Variants in MYH7B observed in about 807,000 individuals in gnomAD.
MYH7B encodes myosin heavy chain 7B.
MYH7B carries 205 observed loss-of-function variants against 234.5 expected under a neutral mutation model. That is an observed-to-expected ratio of 0.87 (90% CI 0.78 to 0.98). The LOEUF (loss-of-function observed/expected upper bound fraction) is 0.98, where lower values mean the gene tolerates loss of function less well. Ranked by LOEUF, MYH7B falls within the 50% of genes least tolerant of loss-of-function variation. MYH7B has a pLI of 0.00. For synonymous variants in MYH7B, 1,193 were observed against 1,105.0 expected (o/e 1.08, Z -1.58); for missense variants, 2,652 against 2,633.4 (o/e 1.01, Z -0.15).
In MYH7B at chr20:34,998,447, A is replaced by C; in HGVS notation, c.3874+26A>C. ...GTGAGGCTGGGGCTCAGCTGGCCAC[A>C]CCAGGCAGGGCTTTGGTGCAGCCCT... is the stretch of plus-strand genomic sequence containing the variant. On this transcript the variant is annotated intron_variant, in intron 33 of 44. Transcript: ENST00000262873. The C allele has an allele frequency of 3.1e-6, 5 of 1,612,672 alleles. 1 individual carries two copies. Among genetic ancestry groups the C allele is most frequent in the South Asian group, 2.2e-5 (2 of 91,040 alleles).
At chr20:34,995,192 G>C (rs1456004269) in intron 27 of MYH7B, 144 bp from the exon 28 acceptor site, 3 of 782,374 alleles carry the variant, frequency 3.8e-6, no homozygotes, top group Non-Finnish European at 6.1e-6. Context: ...CCATGCCCAA[G>C]AGCGAGTCAA....
intron 5 of MYH7B, among the ~76,000 whole-genome samples, chr20:34,978,372 G>A (rs2081890271): frequency 1.3e-5 from 2 of 152,284 alleles, no homozygotes; most frequent in South Asian, 4.1e-4. Flanking sequence ...GAAGACTCAG[G>A]CTGGAGCCCG....
At chr20:34,983,605 G>A (rs1313100148) in intron 10 of MYH7B, among the ~76,000 whole-genome samples, 1 of 152,088 alleles carries the variant, frequency 6.6e-6, no homozygotes. Context: ...GGAGAGGGTC[G>A]GGCAAGGGAG....
At chr20:35,002,324 G>C (rs1461268717) in exon 45 of MYH7B, 13 of 961,478 alleles carry the variant, frequency 1.4e-5, no homozygotes, top group Non-Finnish European at 1.6e-5. Flanking sequence ...AAACACCACA[G>C]CCAGTTTCCT....
chr20:34,965,289 C>A (rs967535266), intron 2 of MYH7B, among the ~76,000 whole-genome samples: 1 of 152,238 alleles, frequency 6.6e-6, no homozygotes, highest in African/African-American at 2.4e-5. Context: ...TCTTAGGCAT[C>A]ATGCTGTGTG....
At chr20:34,985,234 A>T in intron 13 of MYH7B, 105 bp downstream of exon 13, 1 of 1,053,866 alleles carries the variant, frequency 9.5e-7, no homozygotes, top group Non-Finnish European at 1.5e-6. Context: ...TGCTCTGGGC[A>T]CTTCTCTCTA....
chr20:34,983,533 G>A (rs756562490), intron 10 of MYH7B, among the ~76,000 whole-genome samples: 1 of 152,098 alleles, frequency 6.6e-6, no homozygotes, highest in Non-Finnish European at 1.5e-5. Flanking sequence ...AGCTGGCAGG[G>A]ACACAGCTGG....
At chr20:34,994,474 AGC>A (rs2082215963) in intron 27 of MYH7B, 73 bp downstream of exon 27, 5 of 1,475,834 alleles carry the variant, frequency 3.4e-6, no homozygotes, top group Non-Finnish European at 3.6e-6. Flanking sequence ...GGGATAGTAC[AGC>A]GAGACCCATG....
chr20:34,987,864 C>A (rs780637899), exon 18 of MYH7B: 1 of 1,612,196 alleles, frequency 6.2e-7, no homozygotes, highest in Non-Finnish European at 8.5e-7. Context: ...AAAGCTGCCC[C>A]GGCAGTTCTT....
At chr20:34,962,002 G>A (rs990842020) in intron 2 of MYH7B, among the ~76,000 whole-genome samples, 2 of 152,208 alleles carry the variant, frequency 1.3e-5, no homozygotes, top group African/African-American at 2.4e-5. Context: ...CGAGGTTGAG[G>A]TGGGAGGATC....
At chr20:34,977,672 G>C (rs767042293) in exon 4 of MYH7B, 5 of 1,580,502 alleles carry the variant, frequency 3.2e-6, no homozygotes, top group Non-Finnish European at 4.3e-6. Flanking sequence ...CCCTCACCGT[G>C]GTGCCGAGGT....
rs372264566 is a variant in MYH7B, at chr20:34,989,305, T to G, written c.1588-435T>G. Among the ~76,000 whole-genome samples, 8 of 152,336 alleles carry G rather than the reference T, an allele frequency of 5.3e-5. No homozygotes were observed. In the South Asian group the frequency reaches 1.7e-3, roughly 32 times the overall value. ...AATATTATGTCAGCACTGAAGACAT[T>G]CATCTTCCCACTCTGCAGGTTAGAA... On this transcript the variant is annotated intron_variant, in intron 19 of 44. Coordinates refer to ENST00000262873, the Ensembl canonical transcript of MYH7B.
At chr20:34,985,080 C>T in exon 13 of MYH7B, 1 of 1,614,148 alleles carries the variant, frequency 6.2e-7, no homozygotes, top group Non-Finnish European at 8.5e-7. Flanking sequence ...AGTTCATCCG[C>T]ATTCACTTTG....
chr20:34,979,923 C>A, intron 7 of MYH7B, 119 bp downstream of exon 7: 1 of 1,149,420 alleles, frequency 8.7e-7, no homozygotes, highest in Non-Finnish European at 1.2e-6. Flanking sequence ...TGGATCGGGG[C>A]TGTGAATGAT....
intron 10 of MYH7B, among the ~76,000 whole-genome samples, chr20:34,984,129 TGCAAATTAGG>T (rs1569039511): frequency 1.3e-5 from 2 of 152,234 alleles, no homozygotes; most frequent in African/African-American, 4.8e-5. Flanking sequence ...TCTCCTCATT[TGCAAATTAGG>T]GCTAATAATG....
intron 2 of MYH7B, among the ~76,000 whole-genome samples, chr20:34,960,482 G>A (rs906434615): frequency 2.6e-5 from 4 of 152,228 alleles, no homozygotes; most frequent in South Asian, 4.2e-4. Flanking sequence ...TGATCCACCC[G>A]CCTCAGCCTC....
intron 2 of MYH7B, among the ~76,000 whole-genome samples, chr20:34,960,295 GC>G (rs1277494614): frequency 6.6e-6 from 1 of 152,116 alleles, no homozygotes; most frequent in Non-Finnish European, 1.5e-5. Flanking sequence ...GAGTGCAGTG[GC>G]GCCATCTTGG....
rs567417872 is a variant in MYH7B, at chr20:34,999,253, G to A, written c.4388G>A (p.Arg1463Gln). 101 of 1,603,108 alleles carry A rather than the reference G, an allele frequency of 6.3e-5. 2 individuals are homozygous for A. In the South Asian group the frequency reaches 8.7e-4, roughly 14 times the overall value. ...CACTTGGAACGGGCACTGGAGGAAC[G>A]GCGGCGGCAGGAGGAGGAGATGCAG... Residue 1463 changes from arginine to glutamine, a missense_variant, in exon 36 of 45, where the codon CGG (arginine) becomes CAG (glutamine). Physicochemically the swap from Arg to Gln is conservative, Grantham distance 43. Around this residue, in one of 3 missense-constraint regions of MYH7B, gnomAD observed 2,279 missense variants for 2,211.4 expected, o/e 1.03. Coordinates refer to ENST00000262873, the Ensembl canonical transcript of MYH7B.
At chr20:34,993,550 A>C in intron 26 of MYH7B, 80 bp downstream of exon 26, 8 of 1,394,602 alleles carry the variant, frequency 5.7e-6, no homozygotes, top group Non-Finnish European at 6.6e-6. Context: ...CCCAACCCTA[A>C]CATGCTGCCC....
Sources: allele counts gnomAD v4.1 joint callset (sites outside exome capture counted in the v4.1 genomes callset), GRCh38; gene constraint gnomAD v4.1.1; regional missense constraint gnomAD v4.1.1; transcripts MANE v1.5; gene names NCBI Gene and HGNC (gene_info 2026-07-23, HGNC 2026-07-21).